The following EFCAB11 variants were observed in gnomAD, a reference collection of about 807,000 sequenced individuals.
The protein encoded by EFCAB11 is EF-hand calcium binding domain 11, also known as EF-hand calcium-binding domain-containing protein 11.
A neutral mutation model predicts 23.0 loss-of-function variants in EFCAB11; 14 were observed. That is an observed-to-expected ratio of 0.61 (90% CI 0.40 to 0.95). The LOEUF (loss-of-function observed/expected upper bound fraction) is 0.95, where lower values mean the gene tolerates loss of function less well. Ranked by LOEUF, EFCAB11 falls within the 40% of genes least tolerant of loss-of-function variation. The pLI is 0.00. For synonymous variants in EFCAB11, 65 were observed against 66.6 expected (o/e 0.98, Z 0.11); for missense variants, 198 against 195.8 (o/e 1.01, Z -0.07).
chr14:89,913,373 A>G (rs1259719129), intron 5 of EFCAB11, among the ~76,000 whole-genome samples: 1 of 152,200 alleles, frequency 6.6e-6, no homozygotes, highest in Non-Finnish European at 1.5e-5. Context: ...GGATGGAAAA[A>G]TAATGTCTTG....
intron 5 of EFCAB11, among the ~76,000 whole-genome samples, chr14:89,820,933 A>G (rs1886496758): frequency 6.6e-6 from 1 of 151,932 alleles, no homozygotes; most frequent in South Asian, 2.1e-4. Context: ...ATATATTTAT[A>G]TGTGTATGGT....
intron 5 of EFCAB11, among the ~76,000 whole-genome samples, chr14:89,921,231 T>C (rs1890013986): frequency 6.6e-6 from 1 of 152,018 alleles, no homozygotes; most frequent in South Asian, 2.1e-4. Context: ...AGACAGTATA[T>C]GGCAAGAAGA....
At chr14:89,875,686 G>A (rs371548077) in intron 5 of EFCAB11, among the ~76,000 whole-genome samples, 3 of 152,310 alleles carry the variant, frequency 2.0e-5, no homozygotes, top group African/African-American at 7.2e-5. Flanking sequence ...AATATGTGGA[G>A]TTTGAGGGGT....
chr14:89,937,437 A>G (rs1890624293), intron 3 of EFCAB11, among the ~76,000 whole-genome samples: 1 of 152,146 alleles, frequency 6.6e-6, no homozygotes, highest in South Asian at 2.1e-4. Flanking sequence ...TTGACCCTGC[A>G]AGTCCATGCA....
At chr14:89,834,688 C>T (rs142849191) in intron 5 of EFCAB11, among the ~76,000 whole-genome samples, 6 of 152,282 alleles carry the variant, frequency 3.9e-5, no homozygotes, top group East Asian at 1.9e-4. Flanking sequence ...GAAGTACCCA[C>T]GGATAGCAAC....
chr14:89,886,838 C>T (rs747836202), intron 5 of EFCAB11, among the ~76,000 whole-genome samples: 1 of 152,088 alleles, frequency 6.6e-6, no homozygotes, highest in African/African-American at 2.4e-5. Flanking sequence ...TCAGAGACAG[C>T]CCAAAGAGTC....
At chr14:89,811,142 G>A (rs746273350) in intron 5 of EFCAB11, among the ~76,000 whole-genome samples, 2 of 151,916 alleles carry the variant, frequency 1.3e-5, no homozygotes, top group Non-Finnish European at 2.9e-5. Context: ...GGAACAGCAT[G>A]TGCAAGGTCC....
chr14:89,882,470 A>G (rs1015933676), intron 5 of EFCAB11, among the ~76,000 whole-genome samples: 2 of 152,218 alleles, frequency 1.3e-5, no homozygotes, highest in Non-Finnish European at 2.9e-5. Flanking sequence ...GTGAGAAACC[A>G]TCTGTGATGT....
At chr14:89,842,185 C>T (rs1437813807) in intron 5 of EFCAB11, among the ~76,000 whole-genome samples, 1 of 152,248 alleles carries the variant, frequency 6.6e-6, no homozygotes, top group Non-Finnish European at 1.5e-5. Flanking sequence ...TCCAACACTT[C>T]AGCCATATCC....
rs67831579 is a variant in EFCAB11 at position 89,835,585 on chromosome 14, C to CGTGTGTGTGTGTGTGT, written c.411-38277_411-38262dup. ...TGGATTTCAGATTAGGGATGCTCAACGTGTGTGTGTGTGTGTGTGTGTGTG... is the reference window on the plus strand; with the variant it reads ...TGGATTTCAGATTAGGGATGCTCAACGTGTGTGTGTGTGTGTGTGTGTGTGTGTGTGTGTGTGTGTG... On this transcript the variant is annotated intron_variant, in intron 5 of 5. Transcript: ENST00000316738. Among the ~76,000 whole-genome samples, 727 of 93,376 alleles carry CGTGTGTGTGTGTGTGT rather than the reference C, an allele frequency of 7.8e-3. 25 individuals are homozygous for CGTGTGTGTGTGTGTGT. Among genetic ancestry groups the CGTGTGTGTGTGTGTGT allele is most frequent in the African/African-American group, 0.015 (338 of 21,840 alleles). 61.3% of individuals were successfully genotyped at this position (93,376 alleles called of 152,430 possible). A position where few individuals can be genotyped will look rare whatever the true frequency, so the allele number is the denominator to read the frequency against.
At chr14:89,884,883 T>C (rs1888706427) in intron 5 of EFCAB11, among the ~76,000 whole-genome samples, 1 of 152,200 alleles carries the variant, frequency 6.6e-6, no homozygotes, top group African/African-American at 2.4e-5. Flanking sequence ...TCCCCCACTC[T>C]GTGCACATGT....
chr14:89,855,627 G>A (rs1002682303), intron 5 of EFCAB11, among the ~76,000 whole-genome samples: 2 of 151,622 alleles, frequency 1.3e-5, no homozygotes, highest in Admixed American at 6.6e-5. Flanking sequence ...TTGTTTTTGT[G>A]GCAAAAATAG....
intron 5 of EFCAB11, among the ~76,000 whole-genome samples, chr14:89,826,052 G>A (rs1886680128): frequency 6.6e-6 from 1 of 152,034 alleles, no homozygotes; most frequent in Admixed American, 6.6e-5. Flanking sequence ...GGTGGTGGGG[G>A]AGACAAACAA....
At chr14:89,807,735 A>G (rs1886015497) in intron 5 of EFCAB11, among the ~76,000 whole-genome samples, 1 of 152,218 alleles carries the variant, frequency 6.6e-6, no homozygotes, top group African/African-American at 2.4e-5. Flanking sequence ...TTTTAATAAT[A>G]CATGATAGAA....
chr14:89,816,056 C>T (rs563669633), intron 5 of EFCAB11, among the ~76,000 whole-genome samples: 9 of 152,168 alleles, frequency 5.9e-5, no homozygotes, highest in Middle Eastern at 3.4e-3. Context: ...TCTTCAATTT[C>T]GCTTATCAGT....
At chr14:89,826,370 T>C (rs895669160) in intron 5 of EFCAB11, among the ~76,000 whole-genome samples, 3 of 151,894 alleles carry the variant, frequency 2.0e-5, no homozygotes, top group Non-Finnish European at 1.5e-5. Flanking sequence ...GAAGGAACTA[T>C]AAATGTGGGA....
chr14:89,868,387 G>C (rs1888162789), intron 5 of EFCAB11, among the ~76,000 whole-genome samples: 2 of 152,186 alleles, frequency 1.3e-5, no homozygotes, highest in Admixed American at 6.5e-5. Context: ...TCCTCAGAAA[G>C]AGTTTATAAA....
At chr14:89,838,102 G>C (rs528706665) in intron 5 of EFCAB11, among the ~76,000 whole-genome samples, 1 of 152,264 alleles carries the variant, frequency 6.6e-6, no homozygotes, top group East Asian at 1.9e-4. Context: ...GGGCAAATCT[G>C]TAGGGAAGTT....
intron 5 of EFCAB11, among the ~76,000 whole-genome samples, chr14:89,898,240 A>T (rs1889230700): frequency 6.6e-6 from 1 of 152,206 alleles, no homozygotes; most frequent in African/African-American, 2.4e-5. Flanking sequence ...AAAATAAGAG[A>T]CTGTACCACA....
Sources: gnomAD v4.1 joint callset for allele counts (sites outside exome capture counted in the v4.1 genomes callset) on GRCh38, gnomAD v4.1.1 for gene constraint, MANE v1.5 for transcripts, NCBI Gene and HGNC (gene_info 2026-07-23, HGNC 2026-07-21) for gene names.